Variants in ARMC8 observed in about 807,000 individuals in gnomAD.
The protein encoded by ARMC8 is armadillo repeat containing 8, also known as armadillo repeat-containing protein 8.
ARMC8 carries 20 observed loss-of-function variants against 99.3 expected under a neutral mutation model. That is an observed-to-expected ratio of 0.20 (90% CI 0.14 to 0.29). ARMC8 has a LOEUF of 0.29. Ranked by LOEUF, ARMC8 falls within the 10% of genes least tolerant of loss-of-function variation. ARMC8 has a pLI of 1.00. For missense variants in ARMC8, 569 were observed against 809.5 expected (o/e 0.70, Z 3.60); for synonymous variants, 263 against 278.3 (o/e 0.95, Z 0.55).
At chr3:138,199,922 A>G (rs1437928765) in intron 1 of ARMC8, among the ~76,000 whole-genome samples, 6 of 152,230 alleles carry the variant, frequency 3.9e-5, no homozygotes, top group Non-Finnish European at 8.8e-5. Context: ...TTTTGGAGGT[A>G]TCAGAAAATC....
At chr3:138,189,372 T>C (rs1374056383) in intron 1 of ARMC8, among the ~76,000 whole-genome samples, 1 of 152,130 alleles carries the variant, frequency 6.6e-6, no homozygotes, top group African/African-American at 2.4e-5. Flanking sequence ...AAGTAGGAGC[T>C]TTTGGATAAA....
chr3:138,204,460 A>C (rs1045144469), intron 1 of ARMC8, among the ~76,000 whole-genome samples: 2 of 152,104 alleles, frequency 1.3e-5, no homozygotes, highest in South Asian at 2.1e-4. Context: ...TCCTGAGTCT[A>C]CTTCTCCCTC....
chr3:138,228,837 C>T (rs2045831021), intron 5 of ARMC8, 81 bp from the exon 6 acceptor site: 13 of 856,144 alleles, frequency 1.5e-5, no homozygotes, highest in Non-Finnish European at 2.4e-5. Flanking sequence ...GATTTGACTA[C>T]CTTCTTGTGG....
At chr3:138,267,315 T>G (rs2048368768) in intron 15 of ARMC8, 74 bp downstream of exon 15, 1 of 899,776 alleles carries the variant, frequency 1.1e-6, no homozygotes, top group Non-Finnish European at 1.6e-6. Flanking sequence ...TTATAGTAGT[T>G]GACATTGAAA....
Position 138,263,569 on chromosome 3 carries a change from C to T in ARMC8, c.1135-170C>T, listed in dbSNP as rs2047966226. 4.6e-6 allele frequency: 3 copies of T among 648,670 alleles called. No homozygotes were observed. In the South Asian group the frequency reaches 5.3e-5, roughly 11 times the overall value. The allele number at this position is 648,670 out of a possible 1,614,324, so 40.2% of individuals were successfully genotyped here. ...GCAGGTCCTTAGTGGGCTAGACCTA[C>T]CTTTCTGATGAGCTGCCCGCCCCCA... is the stretch of plus-strand genomic sequence containing the variant. On this transcript the variant is annotated intron_variant, in intron 12 of 21. Coordinates refer to ENST00000469044, the MANE Select transcript of ARMC8 (RefSeq NM_001363941.2).
intron 12 of ARMC8, among the ~76,000 whole-genome samples, chr3:138,260,456 C>T (rs2047648711): frequency 6.6e-6 from 1 of 152,196 alleles, no homozygotes; most frequent in Admixed American, 6.5e-5. Context: ...ACTAGGCTGG[C>T]TACCTACTCA....
In ARMC8 at chr3:138,192,486, C is replaced by T. The variant is rs543720748; in HGVS notation, c.45+4887C>T. The stretch of plus-strand genomic sequence containing the variant: ...TAGAGACGGAGTTTCACTGTGTTAG[C>T]CAGGATAGTCTCAATCTCCTGACCT... On this transcript the variant is annotated intron_variant, in intron 1 of 21. Coordinates refer to ENST00000469044, the MANE Select transcript of ARMC8 (RefSeq NM_001363941.2). Among the ~76,000 whole-genome samples the T allele has an allele frequency of 3.9e-5, 6 of 152,006 alleles. No individual in the cohort carries two copies. The East Asian group carries it at 1.2e-3, about 29-fold the overall frequency.
At chr3:138,254,681 T>A (rs2047295333) in intron 12 of ARMC8, among the ~76,000 whole-genome samples, 1 of 152,214 alleles carries the variant, frequency 6.6e-6, no homozygotes, top group Non-Finnish European at 1.5e-5. Flanking sequence ...TTGATCTGTT[T>A]TTCTGCAGTA....
intron 5 of ARMC8, among the ~76,000 whole-genome samples, chr3:138,227,616 T>C (rs909656031): frequency 1.3e-5 from 2 of 152,266 alleles, no homozygotes; most frequent in Non-Finnish European, 2.9e-5. Flanking sequence ...GGCTTTTACA[T>C]ATCTTGGGCA....
chr3:138,267,364 G>A, intron 15 of ARMC8, 123 bp downstream of exon 15: 1 of 569,604 alleles, frequency 1.8e-6, no homozygotes, highest in Non-Finnish European at 3.1e-6. Flanking sequence ...GGAATTGTTT[G>A]ATTGCATAGC....
At position 138,205,937 on chromosome 3, in the gene ARMC8, C is replaced by A. The variant is rs75588352; in HGVS notation, c.46-3880C>A. 7.6e-4 allele frequency among the ~76,000 whole-genome samples: 115 copies of A among 152,272 alleles called. No individual in the cohort carries two copies. The East Asian group carries it at 0.016, about 21-fold the overall frequency. ...TGCTATCCAATGGAAAAAGGCAAGCCACATACGTGATTTAAAATTTTCTAG... is the reference window on the plus strand; with the variant it reads ...TGCTATCCAATGGAAAAAGGCAAGCAACATACGTGATTTAAAATTTTCTAG... On this transcript the variant is annotated intron_variant, in intron 1 of 21. Coordinates refer to ENST00000469044, the MANE Select transcript of ARMC8 (RefSeq NM_001363941.2).
chr3:138,287,455 C>A (rs1469287214), intron 19 of ARMC8, among the ~76,000 whole-genome samples: 1 of 152,126 alleles, frequency 6.6e-6, no homozygotes, highest in African/African-American at 2.4e-5. Flanking sequence ...CCCCTCCACC[C>A]TCCAATTTTC....
chr3:138,285,908 G>A (rs1452346531), intron 19 of ARMC8, among the ~76,000 whole-genome samples: 2 of 151,818 alleles, frequency 1.3e-5, no homozygotes, highest in Non-Finnish European at 2.9e-5. Context: ...CATACCCATC[G>A]AGACATACCC....
intron 1 of ARMC8, among the ~76,000 whole-genome samples, chr3:138,191,156 G>C (rs2043360114): frequency 6.6e-6 from 1 of 152,146 alleles, no homozygotes; most frequent in Non-Finnish European, 1.5e-5. Context: ...GTAACACTTT[G>C]TCTTGCAAAT....
At chr3:138,192,020 A>G (rs904040244) in intron 1 of ARMC8, among the ~76,000 whole-genome samples, 1 of 152,164 alleles carries the variant, frequency 6.6e-6, no homozygotes, top group Non-Finnish European at 1.5e-5. Flanking sequence ...CAGGAGTGCA[A>G]TTGCAGGATC....
chr3:138,260,274 A>T (rs1382681279), intron 12 of ARMC8, among the ~76,000 whole-genome samples: 1 of 152,186 alleles, frequency 6.6e-6, no homozygotes, highest in Non-Finnish European at 1.5e-5. Context: ...ACAACATGGT[A>T]GTTTTGTCCA....
chr3:138,267,040 C>T lies in ARMC8; in HGVS notation c.1300-115C>T, dbSNP rs1225293742. 1.8e-5 allele frequency: 11 copies of T among 614,382 alleles called. No homozygotes were observed. The East Asian group carries it at 2.7e-4, about 15-fold the overall frequency. 38.1% of individuals were successfully genotyped at this position (614,382 alleles called of 1,614,324 possible). A position where few individuals can be genotyped will look rare whatever the true frequency, so the allele number is the denominator to read the frequency against. On this transcript the variant is annotated intron_variant, in intron 14 of 21. Coordinates refer to ENST00000469044, the MANE Select transcript of ARMC8 (RefSeq NM_001363941.2). The stretch of plus-strand genomic sequence containing the variant: ...GTGGATTCTTCCTATCTCTCCAATA[C>T]GAAGAATCAGGTTGAAAGATAATTG...
Position 138,241,852 on chromosome 3 carries a change from A to G in ARMC8, c.907A>G (p.Thr303Ala), listed in dbSNP as rs775953422. The change falls in exon 11 of 22, where the codon ACA becomes GCA. Residue 303 changes from threonine to alanine, a missense_variant. Physicochemically the swap from Thr to Ala is moderately conservative, Grantham distance 58. Coordinates refer to ENST00000469044, the MANE Select transcript of ARMC8 (RefSeq NM_001363941.2). ...AGAGGAGAGAGTTGAAGGAGCTGAG[A>G]CACTTGCCTATCTGATTGAACCAGA... ...LLEERVEGAE[T>A]LAYLIEPDVE... 1 of 1,614,076 alleles carries G rather than the reference A, an allele frequency of 6.2e-7. No individual in the cohort carries two copies. The highest frequency in any genetic ancestry group is 8.5e-7 in the Non-Finnish European group (1 of 1,179,984).
Position 138,241,818 on chromosome 3 carries a change from G to C in ARMC8, c.873G>C (p.Glu291Asp). The C allele has an allele frequency of 6.2e-7, 1 of 1,614,050 alleles. No individual in the cohort carries two copies. The highest frequency in any genetic ancestry group is 8.5e-7 in the Non-Finnish European group (1 of 1,179,976). ...GTTTGGTTCGAATGTGCAGTAAGGAGAGATTACTAGAGGAGAGAGTTGAAG... is the reference window on the plus strand; with the variant it reads ...GTTTGGTTCGAATGTGCAGTAAGGACAGATTACTAGAGGAGAGAGTTGAAG... ...LPCLVRMCSK[E>D]RLLEERVEGA... The change falls in exon 11 of 22, where the codon GAG becomes GAC. Residue 291 changes from glutamate (E) to aspartate (D), a missense_variant. Physicochemically the swap from Glu to Asp is conservative, Grantham distance 45 (BLOSUM62 2). Transcript: ENST00000469044.
Sources: allele counts gnomAD v4.1 joint callset (sites outside exome capture counted in the v4.1 genomes callset), GRCh38; gene constraint gnomAD v4.1.1; transcripts MANE v1.5; gene names NCBI Gene and HGNC (gene_info 2026-07-23, HGNC 2026-07-21).